Variants in SRCIN1 observed in about 807,000 individuals in gnomAD.
SRCIN1 encodes the protein P130Cas-associated protein.
Under a neutral mutation model 116.2 loss-of-function variants are expected in SRCIN1, and 50 were observed. The observed-to-expected ratio is 0.43, with a 90% CI of 0.34 to 0.54. The LOEUF (loss-of-function observed/expected upper bound fraction) is 0.54. Among genes scored for constraint, SRCIN1 ranks in the 20% least tolerant of loss-of-function variants. The pLI is 0.02. For missense variants in SRCIN1, 1,446 were observed against 1,672.0 expected (o/e 0.86, Z 2.36); for synonymous variants, 736 against 750.0 (o/e 0.98, Z 0.30).
At chr17:38,547,852 G>C in intron 17 of SRCIN1, 1 of 201,432 alleles carries the variant, frequency 5.0e-6, no homozygotes, top group South Asian at 4.7e-5. Context: ...GCGTGGGGGG[G>C]AGGGAAGACA....
rs753699324 is a variant in SRCIN1, at chr17:38,563,302, T to TC, written c.740+20dup. 1.0e-5 allele frequency: 16 copies of TC among 1,555,344 alleles called. No homozygotes were observed. The highest frequency in any genetic ancestry group is 5.5e-5 in the African/African-American group (4 of 72,428). On this transcript the variant is annotated intron_variant, in intron 5 of 18. Transcript: ENST00000617146. This position sits in a 1 kb window ranked among gnomAD's most constrained non-coding sequence, Gnocchi z 5.8. Reference sequence around the variant, plus strand: ...AGGAGCGTGGGGAAGCCCACCCAAATCCCCCCCGGTCCACGCCCACCGGAC... The same window carrying TC: ...AGGAGCGTGGGGAAGCCCACCCAAATCCCCCCCCGGTCCACGCCCACCGGAC...
upstream of SRCIN1, chr17:38,606,045 C>T (rs1909350162): frequency 6.8e-6 from 1 of 146,510 alleles, no homozygotes; most frequent in Admixed American, 6.7e-5. This position sits in a 1 kb window ranked among gnomAD's most constrained non-coding sequence, Gnocchi z 5.2. Flanking sequence ...AAAGGGCCGC[C>T]CGGGGCGGCG....
chr17:38,592,900 G>A (rs1330849550), intron 1 of SRCIN1, among the ~76,000 whole-genome samples: 2 of 152,066 alleles, frequency 1.3e-5, no homozygotes, highest in African/African-American at 2.4e-5. Flanking sequence ...CACAGGAAGT[G>A]AGGTAAGGAA....
intron 1 of SRCIN1, among the ~76,000 whole-genome samples, chr17:38,597,949 T>G (rs1464648876): frequency 6.6e-6 from 1 of 152,050 alleles, no homozygotes; most frequent in African/African-American, 2.4e-5. Flanking sequence ...TTTCCTGAGC[T>G]TTATCTTTAG....
rs1908052687 is a variant in SRCIN1, at chr17:38,585,293, G to T, written c.23-6502C>A. The stretch of plus-strand genomic sequence containing the variant: ...CACACACACAAACACACAGCATGAG[G>T]CTCCCCCAGTCCCTCCTCTGCAGCC... On this transcript the variant is annotated intron_variant, in intron 1 of 18. Transcript: ENST00000617146. This position sits in a 1 kb window ranked among gnomAD's most constrained non-coding sequence, Gnocchi z 4.2. Among the ~76,000 whole-genome samples the T allele has an allele frequency of 6.6e-6, 1 of 152,134 alleles. No homozygotes were observed. Among genetic ancestry groups the T allele is most frequent in the African/African-American group, 2.4e-5 (1 of 41,446 alleles).
intron 18 of SRCIN1, among the ~76,000 whole-genome samples, chr17:38,536,438 T>C (rs1389462234): frequency 6.6e-6 from 1 of 152,250 alleles, no homozygotes; most frequent in Non-Finnish European, 1.5e-5. Context: ...ATGTCCAGCT[T>C]TCAGCTGGGG....
intron 1 of SRCIN1, among the ~76,000 whole-genome samples, chr17:38,591,234 C>A (rs1009781067): frequency 1.3e-5 from 2 of 152,242 alleles, no homozygotes; most frequent in Non-Finnish European, 2.9e-5. Flanking sequence ...ATCCAAAGCA[C>A]CAATCATCTT....
In SRCIN1 at chr17:38,563,491, G is replaced by T; in HGVS notation, c.572C>A (p.Thr191Asn). The change falls in exon 5 of 19, where the codon ACT becomes AAT. Residue 191 changes from threonine (T) to asparagine (N), a missense_variant. Physicochemically the swap from Thr to Asn is moderately conservative, Grantham distance 65 (BLOSUM62 0). Transcript: ENST00000617146. This position sits in a 1 kb window ranked among gnomAD's most constrained non-coding sequence, Gnocchi z 5.8. ...GVLFLQFGEE[T>N]RRVHITHEVS... ...CTCGTGCGTGATGTGCACGCGCCGAGTCTCCTCCCCGAACTGCAGGAACAG... is the reference window on the plus strand; with the variant it reads ...CTCGTGCGTGATGTGCACGCGCCGATTCTCCTCCCCGAACTGCAGGAACAG... The T allele has an allele frequency of 6.4e-7, 1 of 1,553,292 alleles. No individual in the cohort carries two copies.
chr17:38,538,713 C>T (rs1325746878), intron 18 of SRCIN1, among the ~76,000 whole-genome samples: 2 of 152,114 alleles, frequency 1.3e-5, no homozygotes, highest in Non-Finnish European at 2.9e-5. Flanking sequence ...TTCTAGAATT[C>T]TCGTCACAAG....
In SRCIN1 at chr17:38,552,696, C is replaced by T. The variant is rs189806362; in HGVS notation, c.2332+29G>A. On this transcript the variant is annotated intron_variant, in intron 12 of 18. Coordinates refer to ENST00000617146, the MANE Select transcript of SRCIN1 (RefSeq NM_025248.3). The surrounding 1 kb of genome is among the most constrained non-coding windows in gnomAD (Gnocchi z 5.3). ...TGGCAGACTTCCCCACCCTGAACAA[C>T]GTGCTGCATTCGCAGGCCCCAGACC... The T allele has an allele frequency of 7.4e-6, 12 of 1,613,102 alleles. No individual in the cohort carries two copies. The highest frequency in any genetic ancestry group is 4.4e-5 in the South Asian group (4 of 91,018).
chr17:38,580,780 A>G (rs935193971), intron 1 of SRCIN1, among the ~76,000 whole-genome samples: 9 of 152,166 alleles, frequency 5.9e-5, no homozygotes, highest in Non-Finnish European at 1.2e-4. Flanking sequence ...TAAGGTCCAA[A>G]TACATGAGAG....
intron 18 of SRCIN1, 140 bp from the exon 19 acceptor site, chr17:38,533,571 T>C (rs1169698921): frequency 6.4e-6 from 1 of 155,574 alleles, no homozygotes; most frequent in African/African-American, 5.7e-5. Flanking sequence ...GAGGGGCATC[T>C]GGAGAGAGGG....
Position 38,562,040 on chromosome 17 carries a change from T to A in SRCIN1, c.1123A>T (p.Lys375Ter). Residue 375 changes from lysine to a stop codon, truncating the protein, a stop_gained, in exon 7 of 19, where the codon AAG becomes TAG. Transcript: ENST00000617146. LOFTEE classifies it high-confidence loss of function. The surrounding 1 kb of genome is among the most constrained non-coding windows in gnomAD (Gnocchi z 4.2). The part of the protein sequence containing the change: ...PSAILERRDV[K>*]PDEDLASKAG... ...TTGCTCGCCAGGTCCTCGTCCGGCT[T>A]CACGTCGCGCCGCTCCAGGATGGCG... The A allele has an allele frequency of 6.7e-7, 1 of 1,490,932 alleles. No homozygotes were observed. Among genetic ancestry groups the A allele is most frequent in the Middle Eastern group, 2.0e-4 (1 of 4,888 alleles). The allele number at this position is 1,490,932 out of a possible 1,614,324, so 92.4% of individuals were successfully genotyped here.
chr17:38,603,604 A>C (rs562102928), intron 1 of SRCIN1, among the ~76,000 whole-genome samples: 5 of 152,236 alleles, frequency 3.3e-5, no homozygotes, highest in Non-Finnish European at 7.4e-5. Context: ...AGGGCAGAAG[A>C]AGCAGGAATT....
chr17:38,560,489 C>G, intron 7 of SRCIN1, 64 bp from the exon 8 acceptor site: 1 of 1,385,154 alleles, frequency 7.2e-7, no homozygotes, highest in Non-Finnish European at 1.0e-6. Flanking sequence ...GCCCAGCCCC[C>G]CATTCCTAAG....
At chr17:38,560,122 CA>C (rs1406916274) in intron 8 of SRCIN1, 25 bp from the exon 9 acceptor site, 3 of 1,536,036 alleles carry the variant, frequency 2.0e-6, no homozygotes, top group Admixed American at 2.0e-5. Flanking sequence ...AAAAAGCCAT[CA>C]GGGGGTCCAG....
intron 1 of SRCIN1, among the ~76,000 whole-genome samples, chr17:38,579,445 C>G (rs1364511996): frequency 6.6e-6 from 1 of 152,166 alleles, no homozygotes; most frequent in Admixed American, 6.5e-5. Flanking sequence ...CCCCTTTTCC[C>G]TTCCCTCCCC....
chr17:38,564,354 A>ACCCCCC (rs1193305484), intron 3 of SRCIN1, 41 bp from the exon 4 acceptor site: 1 of 1,195,032 alleles, frequency 8.4e-7, no homozygotes, highest in African/African-American at 2.5e-5. Context: ...AAGGATGAGC[A>ACCCCCC]CCCCCCCTCC....
rs1403175352 is a variant in SRCIN1, at chr17:38,602,718, T to A, written c.22+2966A>T. On this transcript the variant is annotated intron_variant, in intron 1 of 18. Coordinates refer to ENST00000617146, the MANE Select transcript of SRCIN1 (RefSeq NM_025248.3). This position sits in a 1 kb window ranked among gnomAD's most constrained non-coding sequence, Gnocchi z 4.2. ...CTTGAGATTCCTCGAAAGAGCAGCT[T>A]TTATGGCAAGCCCTGGATCCTTCCC... 6.6e-6 allele frequency: 1 copy of A among 152,202 alleles called. No individual in the cohort carries two copies. Among genetic ancestry groups the A allele is most frequent in the Non-Finnish European group, 1.5e-5 (1 of 68,032 alleles). The allele number at this position is 152,202 out of a possible 1,614,324, so 9.4% of individuals were successfully genotyped here. A position where few individuals can be genotyped will look rare whatever the true frequency, so the allele number is the denominator to read the frequency against.
Sources: allele counts gnomAD v4.1 joint callset (sites outside exome capture counted in the v4.1 genomes callset), GRCh38; gene constraint gnomAD v4.1.1; non-coding constraint Gnocchi (gnomAD v3.1); transcripts MANE v1.5; gene names NCBI Gene and HGNC (gene_info 2026-07-23, HGNC 2026-07-21).